PPA2: variants seen among roughly 807,000 people sequenced by gnomAD.
PPA2 encodes the protein inorganic pyrophosphatase 2, mitochondrial.
PPA2 carries 48 observed loss-of-function variants against 49.5 expected under a neutral mutation model. The ratio of observed to expected loss-of-function variants is 0.97; its 90% CI spans 0.77 to 1.23. PPA2 has a LOEUF of 1.23. PPA2 is among the 50% of genes most tolerant of loss of function. PPA2 has a pLI of 0.00. For missense variants in PPA2, 429 were observed against 410.1 expected (o/e 1.05, Z -0.40); for synonymous variants, 131 against 139.9 (o/e 0.94, Z 0.45).
chr4:105,472,636 G>C (rs1723570622), intron 1 of PPA2, among the ~76,000 whole-genome samples: 1 of 152,160 alleles, frequency 6.6e-6, no homozygotes, highest in Non-Finnish European at 1.5e-5. Context: ...CTTAACCAAA[G>C]ATAGAAGAAA....
At chr4:105,436,290 A>G (rs1271116064) in intron 6 of PPA2, among the ~76,000 whole-genome samples, 4 of 152,092 alleles carry the variant, frequency 2.6e-5, no homozygotes, top group African/African-American at 9.7e-5. Context: ...CTCTGCAAGA[A>G]CTACAAAACA....
intron 7 of PPA2, among the ~76,000 whole-genome samples, chr4:105,415,350 G>C (rs375257993): frequency 8.5e-5 from 13 of 152,208 alleles, no homozygotes; most frequent in African/African-American, 2.9e-4. Context: ...CACCTCTTTG[G>C]CCTCCCTCCC....
chr4:105,465,518 TTTAC>T (rs796399487), intron 1 of PPA2, among the ~76,000 whole-genome samples: 19 of 152,210 alleles, frequency 1.2e-4, no homozygotes, highest in African/African-American at 4.6e-4. Flanking sequence ...GTTTTTTTGG[TTTAC>T]TTGTCTTGCA....
intron 1 of PPA2, among the ~76,000 whole-genome samples, chr4:105,459,072 A>G (rs1304405835): frequency 6.6e-6 from 1 of 152,190 alleles, no homozygotes; most frequent in East Asian, 1.9e-4. Flanking sequence ...AATATCTGTT[A>G]GATAAATGTC....
intron 6 of PPA2, among the ~76,000 whole-genome samples, chr4:105,428,134 T>C (rs1032052929): frequency 8.5e-5 from 13 of 152,116 alleles, no homozygotes; most frequent in South Asian, 2.1e-4. Context: ...AAATCCTTTA[T>C]AGACAAGCAA....
intron 4 of PPA2, among the ~76,000 whole-genome samples, chr4:105,446,817 T>C (rs949751717): frequency 2.0e-5 from 3 of 152,140 alleles, no homozygotes; most frequent in Non-Finnish European, 2.9e-5. Context: ...TTGCCTTTTG[T>C]TACTAATCTC....
intron 7 of PPA2, chr4:105,405,209 TGTAGGTAGGCATA>T: frequency 1.4e-6 from 1 of 739,940 alleles, no homozygotes; most frequent in African/African-American, 1.9e-5. Flanking sequence ...GAAAAATCAA[TGTAGGTAGGCATA>T]GTTATAAACA....
chr4:105,402,967 G>A (rs989311320), intron 7 of PPA2, among the ~76,000 whole-genome samples: 7 of 151,970 alleles, frequency 4.6e-5, no homozygotes, highest in African/African-American at 1.7e-4. Context: ...ACTGAAAGCA[G>A]TCCTCAAAAT....
chr4:105,427,456 A>T (rs1350779564), intron 6 of PPA2, among the ~76,000 whole-genome samples: 1 of 152,174 alleles, frequency 6.6e-6, no homozygotes, highest in Non-Finnish European at 1.5e-5. Context: ...CTTTGAAAAA[A>T]AGTTAGACGA....
intron 1 of PPA2, among the ~76,000 whole-genome samples, chr4:105,464,722 G>A (rs774518035): frequency 1.3e-5 from 2 of 152,156 alleles, no homozygotes; most frequent in Non-Finnish European, 2.9e-5. Flanking sequence ...CCCTGCACTA[G>A]CTCTCTTGTC....
intron 7 of PPA2, among the ~76,000 whole-genome samples, chr4:105,418,847 T>G (rs1723124585): frequency 6.6e-6 from 1 of 152,226 alleles, no homozygotes; most frequent in South Asian, 2.1e-4. Flanking sequence ...GTGGCAGTTC[T>G]GAAGAGGCAC....
At position 105,468,100 on chromosome 4, in the gene PPA2, T is replaced by A. The variant is rs188857022; in HGVS notation, c.157+5794A>T. ...CCTGGTTTTATTTTTGTAAATATAG[T>A]TTTATTGGAACATAACCACAGTCAT... On this transcript the variant is annotated intron_variant, in intron 1 of 11. Transcript: ENST00000341695. 2.0e-5 allele frequency among the ~76,000 whole-genome samples: 3 copies of A among 152,322 alleles called. No homozygotes were observed. The East Asian group carries it at 5.8e-4, about 29-fold the overall frequency.
chr4:105,379,387 GTA>G (rs960213072), intron 10 of PPA2, among the ~76,000 whole-genome samples: 11 of 151,128 alleles, frequency 7.3e-5, no homozygotes, highest in African/African-American at 1.9e-4. Flanking sequence ...AGATGTGTGT[GTA>G]TATATATATC....
chr4:105,371,463 A>C (rs958456333), intron 10 of PPA2, among the ~76,000 whole-genome samples: 3 of 152,188 alleles, frequency 2.0e-5, no homozygotes, highest in Non-Finnish European at 4.4e-5. Context: ...GATTTAGTTT[A>C]AAGAATCATT....
intron 6 of PPA2, among the ~76,000 whole-genome samples, chr4:105,430,900 T>G (rs1037040053): frequency 6.6e-6 from 1 of 152,210 alleles, no homozygotes; most frequent in Non-Finnish European, 1.5e-5. Context: ...TAGTGTACAG[T>G]GTAGATATTA....
At chr4:105,384,133 A>G (rs75291291) in intron 10 of PPA2, among the ~76,000 whole-genome samples, 5,026 of 152,304 alleles carry the variant, frequency 0.033, 281 homozygotes, top group African/African-American at 0.11. Flanking sequence ...GAAATCATTC[A>G]TGAGGGTGCT....
chr4:105,440,878 T>C (rs1256070209), intron 5 of PPA2, among the ~76,000 whole-genome samples: 1 of 150,672 alleles, frequency 6.6e-6, no homozygotes, highest in Non-Finnish European at 1.5e-5. Context: ...CTCTACAATA[T>C]TGTTATGTTT....
chr4:105,394,373 C>CAAAAAAAAAAAAAAAAAAAAA (rs34736301), intron 9 of PPA2, among the ~76,000 whole-genome samples: 9 of 96,876 alleles, frequency 9.3e-5, no homozygotes, highest in South Asian at 3.9e-4. Context: ...GATTCCATTT[C>CAAAAAAAAAAAAAAAAAAAAA]AAAAAAAAAA....
Position 105,474,041 on chromosome 4 carries a change from G to C in PPA2, c.10C>G (p.Leu4Val), listed in dbSNP as rs771074482. 6.7e-5 allele frequency: 106 copies of C among 1,589,082 alleles called. 1 individual carries two copies. The highest frequency in any genetic ancestry group is 1.8e-4 in the Admixed American group (10 of 57,002). MSA[L>V]LRLLRTGAPA... ...GCACCCGTGCGCAGCAGCCGCAGCA[G>C]CGCGCTCATGGCGTCAATGACGGTC... Residue 4 changes from leucine to valine, a missense_variant, in exon 1 of 12, where the codon CTG becomes GTG. Transcript: ENST00000341695.
Sources: gnomAD v4.1 joint callset for allele counts (sites outside exome capture counted in the v4.1 genomes callset) on GRCh38, gnomAD v4.1.1 for gene constraint, MANE v1.5 for transcripts, NCBI Gene and HGNC (gene_info 2026-07-23, HGNC 2026-07-21) for gene names.